The following LIPG variants were observed in gnomAD, a reference collection of about 807,000 sequenced individuals.
The protein encoded by LIPG is lipase G, endothelial type, also known as endothelial lipase.
In LIPG, 34 loss-of-function variants were observed where a neutral mutation model predicts 51.8. That is an observed-to-expected ratio of 0.66 (90% CI 0.50 to 0.87). The LOEUF (loss-of-function observed/expected upper bound fraction) is 0.87, where lower values mean the gene tolerates loss of function less well. LIPG is among the 40% of genes least tolerant of loss of function. LIPG has a pLI of 0.00. For synonymous variants in LIPG, 246 were observed against 246.1 expected, an observed-to-expected ratio of 1.00 and a Z score of 0.00; for missense variants, 580 against 652.7, an observed-to-expected ratio of 0.89 and a Z score of 1.21.
At chr18:49,588,981 A>G (rs1234487776) in intron 9 of LIPG, among the ~76,000 whole-genome samples, 1 of 152,142 alleles carries the variant, frequency 6.6e-6, no homozygotes, top group East Asian at 1.9e-4. Context: ...AGCCCTGTGT[A>G]CAGATGAGGA....
intron 2 of LIPG, 29 bp from the exon 3 acceptor site, chr18:49,567,413 T>TA (rs746966087): frequency 2.5e-6 from 4 of 1,607,836 alleles, no homozygotes; most frequent in African/African-American, 2.7e-5. Context: ...AAACCAAGAA[T>TA]AAAAAACAAC....
chr18:49,579,787 T>TCTTTC (rs2084796949), intron 5 of LIPG, among the ~76,000 whole-genome samples: 1 of 88,674 alleles, frequency 1.1e-5, no homozygotes, highest in Non-Finnish European at 2.8e-5. Flanking sequence ...TCTTTTCTTT[T>TCTTTC]CTTTTCTTTT....
chr18:49,587,564 G>A (rs1171871332), intron 9 of LIPG, among the ~76,000 whole-genome samples: 8 of 71,606 alleles, frequency 1.1e-4, no homozygotes, highest in Admixed American at 4.4e-4. Flanking sequence ...GTGAGACTCC[G>A]TCTCAAAAAA....
intron 3 of LIPG, 48 bp from the exon 4 acceptor site, chr18:49,569,389 G>A: frequency 2.0e-6 from 3 of 1,487,104 alleles, no homozygotes; most frequent in South Asian, 1.1e-5. Context: ...GATTCTGGGG[G>A]CTCTGGACCC....
chr18:49,574,372 G>A (rs2084693198), intron 4 of LIPG, among the ~76,000 whole-genome samples: 1 of 152,160 alleles, frequency 6.6e-6, no homozygotes, highest in African/African-American at 2.4e-5. Flanking sequence ...GATCATCCGG[G>A]GAATAAATAT....
chr18:49,575,271 C>A (rs2084703429), intron 4 of LIPG, 98 bp from the exon 5 acceptor site: 2 of 904,554 alleles, frequency 2.2e-6, no homozygotes, highest in African/African-American at 3.3e-5. Context: ...TCTCAGAAGT[C>A]ATCTTCATTC....
intron 5 of LIPG, among the ~76,000 whole-genome samples, chr18:49,580,944 G>A (rs553366862): frequency 1.3e-5 from 2 of 152,290 alleles, no homozygotes; most frequent in African/African-American, 2.4e-5. Context: ...TGGGAACCTA[G>A]CACCTTGCTG....
At position 49,582,475 on chromosome 18, in the gene LIPG, C is replaced by T. The variant is rs1312923847; in HGVS notation, c.1150C>T (p.Leu384=). 5 of 1,614,212 alleles carry T rather than the reference C, an allele frequency of 3.1e-6. No individual in the cohort carries two copies. The highest frequency in any genetic ancestry group is 1.7e-5 in the Admixed American group (1 of 60,028). Residue 384 remains leucine (L), a synonymous_variant, in exon 7 of 10, where the codon CTG becomes TTG. Transcript: ENST00000261292. The part of the protein sequence containing the change: ...GTNADSQTLP[L]EIVERIEQNA... ...TAATGCAGATTCCCAGACTCTGCCA[C>T]TGGAAATGTAAGTCATCCGTTTCCC...
At chr18:49,575,643 C>G in intron 5 of LIPG, 53 bp downstream of exon 5, 3 of 1,459,868 alleles carry the variant, frequency 2.1e-6, no homozygotes, top group South Asian at 1.2e-5. Context: ...CCATCTCCTT[C>G]TAAATCAGCC....
Position 49,578,760 on chromosome 18 carries a change from T to A in LIPG, c.794-2655T>A, listed in dbSNP as rs1354899584. Among the ~76,000 whole-genome samples, 10 of 150,696 alleles carry A rather than the reference T, an allele frequency of 6.6e-5. No individual in the cohort carries two copies. The South Asian group carries it at 2.1e-3, about 32-fold the overall frequency. ...TGAGCACTGAGTGAAGGAGACTCCG[T>A]CTGCAATCCCGGCACCTCGGGAGGC... On this transcript the variant is annotated intron_variant, in intron 5 of 9. Transcript: ENST00000261292.
chr18:49,598,821 C>T lies in LIPG; in HGVS notation c.*8299C>T, dbSNP rs1317389544. On this transcript the variant is annotated 3_prime_UTR_variant, in exon 10 of 10. Coordinates refer to ENST00000261292, the MANE Select transcript of LIPG (RefSeq NM_006033.4). Reference sequence around the variant, plus strand: ...GCTTTTTGTCCTTGTAGATTAGTTGCATTTTCTAGAATTTTGTATAAGTGG... The same window carrying T: ...GCTTTTTGTCCTTGTAGATTAGTTGTATTTTCTAGAATTTTGTATAAGTGG... 1 of 152,136 alleles carries T rather than the reference C, an allele frequency of 6.6e-6. No homozygotes were observed. Among genetic ancestry groups the T allele is most frequent in the African/African-American group, 2.4e-5 (1 of 41,444 alleles). The allele number at this position is 152,136 out of a possible 1,614,324, so 9.4% of individuals were successfully genotyped here. A position where few individuals can be genotyped will look rare whatever the true frequency, so the allele number is the denominator to read the frequency against.
chr18:49,582,503 G>A (rs758216123), intron 7 of LIPG, 21 bp downstream of exon 7: 3 of 1,614,174 alleles, frequency 1.9e-6, no homozygotes, highest in Non-Finnish European at 2.5e-6. Context: ...CGTTTCCCTT[G>A]CTGGGTTCGG....
At chr18:49,582,869 C>T (rs903451269) in intron 7 of LIPG, among the ~76,000 whole-genome samples, 8 of 152,174 alleles carry the variant, frequency 5.3e-5, no homozygotes, top group South Asian at 2.1e-4. Flanking sequence ...GGGTGCATAG[C>T]GATCTGTATA....
chr18:49,583,498 C>A, intron 7 of LIPG, 58 bp from the exon 8 acceptor site: 1 of 1,457,788 alleles, frequency 6.9e-7, no homozygotes. Context: ...TCACCCCACA[C>A]AGTGTGGCAG....
At chr18:49,588,109 ATCT>A (rs2084902842) in intron 9 of LIPG, among the ~76,000 whole-genome samples, 1 of 151,566 alleles carries the variant, frequency 6.6e-6, no homozygotes, top group African/African-American at 2.4e-5. Context: ...TTTGATTGAC[ATCT>A]TCTCTGTAAT....
At chr18:49,578,023 G>C (rs1207056701) in intron 5 of LIPG, among the ~76,000 whole-genome samples, 1 of 136,970 alleles carries the variant, frequency 7.3e-6, no homozygotes, top group East Asian at 2.3e-4. Context: ...GCGGGGGGCT[G>C]ACCCCCCCAC....
At position 49,588,322 on chromosome 18, in the gene LIPG, G is replaced by A. The variant is rs185012714; in HGVS notation, c.1481+1472G>A. Among the ~76,000 whole-genome samples the A allele has an allele frequency of 3.0e-3, 423 of 140,220 alleles. 9 individuals carry two copies. The highest frequency in any genetic ancestry group is 0.028 in the Admixed American group (369 of 13,208). 92.0% of individuals were successfully genotyped at this position (140,220 alleles called of 152,430 possible). ...TTTTGAGACAAAGTCTCACTCTATC[G>A]CTCAGGCTGGAGTGCAGTGGAGTGA... is the stretch of plus-strand genomic sequence containing the variant. On this transcript the variant is annotated intron_variant, in intron 9 of 9. Transcript: ENST00000261292.
At chr18:49,575,639 CCTT>C (rs1568530401) in intron 5 of LIPG, 49 bp downstream of exon 5, 1 of 1,483,750 alleles carries the variant, frequency 6.7e-7, no homozygotes, top group African/African-American at 1.4e-5. Context: ...TATTCCATCT[CCTT>C]CTAAATCAGC....
rs551645749 is a variant in LIPG, at chr18:49,595,160, C to G, written c.*4638C>G. 1 of 152,352 alleles carries G rather than the reference C, an allele frequency of 6.6e-6. No homozygotes were observed. Among genetic ancestry groups the G allele is most frequent in the East Asian group, 1.9e-4 (1 of 5,190 alleles). The allele number at this position is 152,352 out of a possible 1,614,324, so 9.4% of individuals were successfully genotyped here. On this transcript the variant is annotated 3_prime_UTR_variant, in exon 10 of 10. Coordinates refer to ENST00000261292, the MANE Select transcript of LIPG (RefSeq NM_006033.4). ...TACCCTGAGCCCTCTGCCATGTAAG[C>G]TCTCTGATGGCACAGATTTTTATCT...
Sources: gnomAD v4.1 joint callset for allele counts (sites outside exome capture counted in the v4.1 genomes callset) on GRCh38, gnomAD v4.1.1 for gene constraint, MANE v1.5 for transcripts, NCBI Gene and HGNC (gene_info 2026-07-23, HGNC 2026-07-21) for gene names.